RBPJ: variants seen among roughly 807,000 people sequenced by gnomAD.
RBPJ encodes the protein recombination signal binding protein for immunoglobulin kappa J region.
A neutral mutation model predicts 67.8 loss-of-function variants in RBPJ; 9 were observed. The ratio of observed to expected loss-of-function variants is 0.13; its 90% CI spans 0.08 to 0.23. The LOEUF is 0.23. RBPJ is among the 10% of genes least tolerant of loss of function. The pLI, the probability that RBPJ is intolerant of heterozygous loss-of-function variation, is 1.00. For missense variants in RBPJ, 305 were observed against 595.6 expected (o/e 0.51, Z 5.08); for synonymous variants, 198 against 203.3 (o/e 0.97, Z 0.22).
chr4:26,197,015 A>G (rs1324411548), intron 1 of RBPJ, among the ~76,000 whole-genome samples: 1 of 152,230 alleles, frequency 6.6e-6, no homozygotes, highest in African/African-American at 2.4e-5. Flanking sequence ...ATCATCTGCC[A>G]TCTGTATCAA....
intron 1 of RBPJ, among the ~76,000 whole-genome samples, chr4:26,188,571 A>G (rs1018105083): frequency 1.3e-5 from 2 of 152,372 alleles, no homozygotes; most frequent in African/African-American, 4.8e-5. Context: ...CTTTTGTAGT[A>G]GAACTACATT....
the RBPJ span, among the ~76,000 whole-genome samples, chr4:26,108,890 A>G: frequency 6.6e-6 from 1 of 152,130 alleles, no homozygotes; most frequent in Non-Finnish European, 1.5e-5. Context: ...CCCACAAAGT[A>G]GGGGTGATTA....
At chr4:26,327,643 A>G (rs1467463440) in intron 1 of RBPJ, among the ~76,000 whole-genome samples, 1 of 146,114 alleles carries the variant, frequency 6.8e-6, no homozygotes, top group Admixed American at 7.1e-5. Context: ...GTTGTAAGTG[A>G]TAAGAGTAGT....
intron 1 of RBPJ, among the ~76,000 whole-genome samples, chr4:26,191,244 GAGA>G: frequency 7.5e-6 from 1 of 132,790 alleles, no homozygotes; most frequent in African/African-American, 3.0e-5. Flanking sequence ...GAGAGAGATA[GAGA>G]GAGAGAGAGG....
intron 1 of RBPJ, among the ~76,000 whole-genome samples, chr4:26,378,967 A>C (rs961652226): frequency 1.3e-5 from 2 of 152,176 alleles, no homozygotes; most frequent in African/African-American, 2.4e-5. Flanking sequence ...CGGAGGTTGC[A>C]GTGAGCCAAG....
chr4:26,352,483 A>G (rs1011963929), intron 1 of RBPJ, among the ~76,000 whole-genome samples: 5 of 152,170 alleles, frequency 3.3e-5, no homozygotes, highest in Non-Finnish European at 2.9e-5. Context: ...CAAACATTCA[A>G]ACCATAGCAC....
At chr4:26,382,231 C>T (rs1211826265) in intron 1 of RBPJ, among the ~76,000 whole-genome samples, 1 of 152,182 alleles carries the variant, frequency 6.6e-6, no homozygotes, top group Non-Finnish European at 1.5e-5. Flanking sequence ...AGTATCCCTA[C>T]TTCAAGATGG....
chr4:26,190,030 C>T (rs1465559458), intron 1 of RBPJ, among the ~76,000 whole-genome samples: 1 of 152,206 alleles, frequency 6.6e-6, no homozygotes, highest in Non-Finnish European at 1.5e-5. Context: ...TTATACAATA[C>T]CTGTGCATCA....
chr4:26,319,809 C>T, upstream of RBPJ: 1 of 1,437,548 alleles, frequency 7.0e-7, no homozygotes, highest in Non-Finnish European at 9.8e-7. Flanking sequence ...GGTTTTGGGG[C>T]TCCCTGCGGG....
intron 1 of RBPJ, among the ~76,000 whole-genome samples, chr4:26,240,326 G>A (rs1007186019): frequency 6.6e-6 from 1 of 152,060 alleles, no homozygotes; most frequent in Non-Finnish European, 1.5e-5. Flanking sequence ...CATTCCCTGG[G>A]ATACCCCGTC....
chr4:26,326,887 A>T (rs551890575), intron 1 of RBPJ, among the ~76,000 whole-genome samples: 1 of 152,292 alleles, frequency 6.6e-6, no homozygotes, highest in South Asian at 2.1e-4. Context: ...GCAGCAATGT[A>T]TTTGGTGCAG....
the RBPJ span, among the ~76,000 whole-genome samples, chr4:26,144,877 C>T: frequency 1.3e-5 from 2 of 152,166 alleles, no homozygotes; most frequent in African/African-American, 4.8e-5. Flanking sequence ...GTGATTTCTT[C>T]ACTCTTTTAT....
rs561581136 is a variant in RBPJ at position 26,207,875 on chromosome 4, G to A, written c.-167+44261G>A. ...ATGAGCCGTCAGGAGGCCAGGAACC[G>A]AGAAGCTCATTTTGAGCAGAGACTT... On this transcript the variant is annotated intron_variant, in intron 1 of 4. Transcript: ENST00000512351. Among the ~76,000 whole-genome samples the A allele has an allele frequency of 9.9e-5, 15 of 152,282 alleles. No homozygotes were observed. The South Asian group carries it at 2.7e-3, about 27-fold the overall frequency.
intron 1 of RBPJ, chr4:26,367,748 T>C (rs1043598555): frequency 6.6e-6 from 1 of 152,254 alleles, no homozygotes; most frequent in Non-Finnish European, 1.5e-5. Flanking sequence ...GTTTGCTTTA[T>C]AGATTTATTG....
chr4:26,191,746 G>T (rs1042742426), intron 1 of RBPJ, among the ~76,000 whole-genome samples: 2 of 152,130 alleles, frequency 1.3e-5, no homozygotes, highest in Non-Finnish European at 2.9e-5. Context: ...ACTGGGGGCT[G>T]GCTGGTCATA....
Position 26,434,862 on chromosome 4 carries a change from A to G in RBPJ, c.*3855A>G, listed in dbSNP as rs1175783769. ...GCTCAGTTCCATATTTCATCCGTGA[A>G]AAACTTGCAATACGAGCAGTTTCAA... On this transcript the variant is annotated 3_prime_UTR_variant, in exon 11 of 11. Transcript: ENST00000355476. The G allele has an allele frequency of 1.3e-5, 2 of 152,254 alleles. No individual in the cohort carries two copies. The highest frequency in any genetic ancestry group is 1.3e-4 in the Admixed American group (2 of 15,288). The allele number at this position is 152,254 out of a possible 1,614,324, so 9.4% of individuals were successfully genotyped here.
the RBPJ span, among the ~76,000 whole-genome samples, chr4:26,122,262 T>G: frequency 9.5e-4 from 144 of 152,328 alleles, no homozygotes; most frequent in African/African-American, 2.2e-3. Context: ...GATCAAGCCA[T>G]ATCTGATGTG....
At chr4:26,199,889 A>G (rs1560207611) in intron 1 of RBPJ, among the ~76,000 whole-genome samples, 1 of 152,254 alleles carries the variant, frequency 6.6e-6, no homozygotes, top group Non-Finnish European at 1.5e-5. Flanking sequence ...ACATGCACAG[A>G]AATCCTGGCC....
chr4:26,414,290 C>T (rs1734337733), intron 3 of RBPJ, among the ~76,000 whole-genome samples: 2 of 152,104 alleles, frequency 1.3e-5, no homozygotes, highest in South Asian at 2.1e-4. Flanking sequence ...CCACCTCAGC[C>T]ACCAGAGTAG....
Sources: gnomAD v4.1 joint callset for allele counts (sites outside exome capture counted in the v4.1 genomes callset) on GRCh38, gnomAD v4.1.1 for gene constraint, MANE v1.5 for transcripts, NCBI Gene and HGNC (gene_info 2026-07-23, HGNC 2026-07-21) for gene names.